L3MBTL4: variants seen among roughly 807,000 people sequenced by gnomAD.
L3MBTL4 encodes L3MBTL histone methyl-lysine binding protein 4.
Under a neutral mutation model 84.5 loss-of-function variants are expected in L3MBTL4, and 70 were observed. The observed-to-expected ratio is 0.83, with a 90% confidence interval of 0.68 to 1.01. The LOEUF is 1.01. Ranked by LOEUF, L3MBTL4 falls within the 50% of genes least tolerant of loss-of-function variation. The pLI, the probability that L3MBTL4 is intolerant of heterozygous loss-of-function variation, is 0.00. For synonymous variants in L3MBTL4, 274 were observed against 259.8 expected, an observed-to-expected ratio of 1.05 and a Z score of -0.52; for missense variants, 715 against 754.8, an observed-to-expected ratio of 0.95 and a Z score of 0.62.
chr18:6,238,805 C>T (rs2047327486), intron 9 of L3MBTL4, among the ~76,000 whole-genome samples: 1 of 152,006 alleles, frequency 6.6e-6, no homozygotes, highest in Non-Finnish European at 1.5e-5. Context: ...CAGGGCCCAT[C>T]AGGCACATAA....
chr18:5,966,149 C>T lies in L3MBTL4; in HGVS notation c.1614+3244G>A, dbSNP rs75168326. Among the ~76,000 whole-genome samples, 696 of 152,228 alleles carry T rather than the reference C, an allele frequency of 4.6e-3. 5 individuals carry two copies. Among genetic ancestry groups the T allele is most frequent in the African/African-American group, 0.016 (656 of 41,524 alleles). ...TAGACCAGCTACTTCCCTTGAATCA[C>T]CTCCCAATCCCGTGATTTTGTTTCT... On this transcript the variant is annotated intron_variant, in intron 17 of 18. Transcript: ENST00000317931.
intron 1 of L3MBTL4, among the ~76,000 whole-genome samples, chr18:6,356,457 T>A (rs1302493457): frequency 6.6e-6 from 1 of 152,222 alleles, no homozygotes; most frequent in African/African-American, 2.4e-5. Flanking sequence ...ACAACAGGAT[T>A]TGTTCTAAGA....
chr18:6,010,022 C>T (rs2054662757), intron 16 of L3MBTL4, among the ~76,000 whole-genome samples: 1 of 53,082 alleles, frequency 1.9e-5, no homozygotes. Context: ...CCTCCATCAC[C>T]AGTCTTTTTT....
intron 16 of L3MBTL4, among the ~76,000 whole-genome samples, chr18:6,038,607 C>A (rs74878236): frequency 6.6e-6 from 1 of 152,002 alleles, no homozygotes; most frequent in Non-Finnish European, 1.5e-5. Context: ...TAAAAGACAG[C>A]AACATTGATG....
At chr18:6,401,685 T>G (rs1046232410) in intron 1 of L3MBTL4, among the ~76,000 whole-genome samples, 1 of 152,102 alleles carries the variant, frequency 6.6e-6, no homozygotes, top group African/African-American at 2.4e-5. Context: ...TGAGAGTCAA[T>G]AGGAAAAGTG....
intron 1 of L3MBTL4, among the ~76,000 whole-genome samples, chr18:6,327,313 A>G (rs1295425851): frequency 6.6e-6 from 1 of 152,212 alleles, no homozygotes; most frequent in African/African-American, 2.4e-5. Context: ...AAAAGGTACA[A>G]TGTTTATCGT....
chr18:6,197,167 T>C (rs2045437530), intron 12 of L3MBTL4, among the ~76,000 whole-genome samples: 1 of 152,216 alleles, frequency 6.6e-6, no homozygotes, highest in African/African-American at 2.4e-5. Flanking sequence ...ATTACATAAG[T>C]AAACGTGTGC....
chr18:5,960,179 TA>T, intron 17 of L3MBTL4, 23 bp from the exon 18 acceptor site: 1 of 1,501,678 alleles, frequency 6.7e-7, no homozygotes, highest in South Asian at 1.2e-5. Context: ...ATGAAAAGCC[TA>T]ATTTAATACA....
At chr18:6,301,315 G>C (rs145003228) in intron 4 of L3MBTL4, among the ~76,000 whole-genome samples, 30 of 152,216 alleles carry the variant, frequency 2.0e-4, no homozygotes, top group African/African-American at 7.2e-4. Flanking sequence ...AGAAAATTTA[G>C]TAACAGCTGT....
chr18:6,215,317 A>G (rs2046277670), intron 11 of L3MBTL4, among the ~76,000 whole-genome samples: 1 of 152,264 alleles, frequency 6.6e-6, no homozygotes, highest in Non-Finnish European at 1.5e-5. Flanking sequence ...AAATGCTGAA[A>G]GAAAGGTTTA....
chr18:6,240,392 G>T (rs1472417454), intron 8 of L3MBTL4, among the ~76,000 whole-genome samples: 1 of 149,786 alleles, frequency 6.7e-6, no homozygotes, highest in Non-Finnish European at 1.5e-5. Context: ...AATTTAAAAT[G>T]TGTATTTATA....
chr18:6,283,300 T>G (rs1450741410), intron 4 of L3MBTL4, among the ~76,000 whole-genome samples: 1 of 152,196 alleles, frequency 6.6e-6, no homozygotes, highest in Non-Finnish European at 1.5e-5. Context: ...AAAAAGTTAT[T>G]TTCTACACAT....
In L3MBTL4 at chr18:6,134,407, T is replaced by A. The variant is rs570099923; in HGVS notation, c.1199+3787A>T. 2.1e-4 allele frequency among the ~76,000 whole-genome samples: 32 copies of A among 152,216 alleles called. No homozygotes were observed. The South Asian group carries it at 6.4e-3, about 31-fold the overall frequency. On this transcript the variant is annotated intron_variant, in intron 14 of 18. Coordinates refer to ENST00000317931, the MANE Select transcript of L3MBTL4 (RefSeq NM_001330559.2). ...CCTTCCCAACAGTTCCCCAAAGTCT[T>A]AACTCATTTCAGCATTAACCCAAAA...
intron 1 of L3MBTL4, among the ~76,000 whole-genome samples, chr18:6,369,105 A>G (rs552350772): frequency 4.2e-4 from 63 of 151,732 alleles, no homozygotes; most frequent in Admixed American, 3.6e-3. Context: ...AGTCCAAGGA[A>G]GAGAAGGTGA....
chr18:6,409,868 C>T (rs1237166575), intron 1 of L3MBTL4, among the ~76,000 whole-genome samples: 1 of 152,202 alleles, frequency 6.6e-6, no homozygotes, highest in Non-Finnish European at 1.5e-5. Context: ...TCTTCCCCAT[C>T]TCCAAAATTC....
chr18:6,037,907 T>C (rs1702756284), intron 16 of L3MBTL4, among the ~76,000 whole-genome samples: 1 of 152,130 alleles, frequency 6.6e-6, no homozygotes, highest in Non-Finnish European at 1.5e-5. Context: ...AACAGGGAAA[T>C]AAAAGGAGGA....
At chr18:6,127,853 C>A (rs1022583287) in intron 14 of L3MBTL4, among the ~76,000 whole-genome samples, 3 of 152,058 alleles carry the variant, frequency 2.0e-5, no homozygotes, top group African/African-American at 7.3e-5. Flanking sequence ...AGCCACCCTC[C>A]CAGAAGTTCA....
At chr18:6,343,794 C>T (rs1408476290) in intron 1 of L3MBTL4, among the ~76,000 whole-genome samples, 2 of 151,604 alleles carry the variant, frequency 1.3e-5, no homozygotes, top group South Asian at 2.1e-4. Flanking sequence ...CAACATGCTC[C>T]TGAATAACCA....
chr18:6,115,049 G>A (rs1397232997), intron 14 of L3MBTL4, among the ~76,000 whole-genome samples: 1 of 151,448 alleles, frequency 6.6e-6, no homozygotes, highest in Non-Finnish European at 1.5e-5. Flanking sequence ...GGTGAGATTG[G>A]GACAGTGACA....
Sources: gnomAD v4.1 joint callset for allele counts (sites outside exome capture counted in the v4.1 genomes callset) on GRCh38, gnomAD v4.1.1 for gene constraint, MANE v1.5 for transcripts, NCBI Gene and HGNC (gene_info 2026-07-23, HGNC 2026-07-21) for gene names.